The following MKLN1 variants were observed in gnomAD, a reference collection of about 807,000 sequenced individuals.
MKLN1 encodes the protein muskelin.
Under a neutral mutation model 99.0 loss-of-function variants are expected in MKLN1, and 18 were observed. That is an observed-to-expected ratio of 0.18 (90% CI 0.13 to 0.27). The LOEUF (loss-of-function observed/expected upper bound fraction) is 0.27, where lower values mean the gene tolerates loss of function less well. MKLN1 is among the 10% of genes least tolerant of loss of function. MKLN1 has a pLI of 1.00. For missense variants in MKLN1, 621 were observed against 875.9 expected (o/e 0.71, Z 3.67); for synonymous variants, 288 against 293.2 (o/e 0.98, Z 0.18).
intron 2 of MKLN1, among the ~76,000 whole-genome samples, chr7:131,386,413 C>T (rs992040205): frequency 2.0e-5 from 3 of 152,090 alleles, no homozygotes; most frequent in South Asian, 2.1e-4. Flanking sequence ...TATTCTTAAC[C>T]GTCTTTATCA....
intron 2 of MKLN1, among the ~76,000 whole-genome samples, chr7:131,178,722 G>T (rs1241768519): frequency 6.6e-6 from 1 of 151,952 alleles, no homozygotes; most frequent in Non-Finnish European, 1.5e-5. Context: ...GCTTTCTCAG[G>T]TTAAACACTC....
intron 3 of MKLN1, among the ~76,000 whole-genome samples, chr7:131,272,053 G>A (rs1186190801): frequency 1.3e-5 from 2 of 152,166 alleles, no homozygotes; most frequent in African/African-American, 4.8e-5. Context: ...CAGAAGTGAT[G>A]TTGGTCATTG....
chr7:131,247,254 CCATGGCTGGAGTG>C (rs1797505780), intron 3 of MKLN1, among the ~76,000 whole-genome samples: 1 of 100,624 alleles, frequency 9.9e-6, no homozygotes, highest in African/African-American at 3.6e-5. Context: ...TTTTTTGTCA[CCATGGCTGGAGTG>C]CAATGCCGCA....
At chr7:131,410,834 AG>A (rs1352771821) in intron 6 of MKLN1, among the ~76,000 whole-genome samples, 1 of 152,176 alleles carries the variant, frequency 6.6e-6, no homozygotes, top group African/African-American at 2.4e-5. Context: ...AAGATATATA[AG>A]ATCTTTTTTC....
chr7:131,342,372 G>T (rs1407402418), intron 1 of MKLN1, among the ~76,000 whole-genome samples: 1 of 152,150 alleles, frequency 6.6e-6, no homozygotes, highest in Non-Finnish European at 1.5e-5. Flanking sequence ...CATATTTGAA[G>T]ATACATACCT....
At chr7:131,418,726 T>C (rs1285112870) in intron 8 of MKLN1, among the ~76,000 whole-genome samples, 2 of 152,302 alleles carry the variant, frequency 1.3e-5, no homozygotes, top group East Asian at 3.9e-4. Flanking sequence ...TAAAATTGAT[T>C]TGGGAGTTGA....
At chr7:131,430,142 A>C (rs1323511594) in intron 9 of MKLN1, among the ~76,000 whole-genome samples, 1 of 152,206 alleles carries the variant, frequency 6.6e-6, no homozygotes, top group Non-Finnish European at 1.5e-5. Context: ...AAACAGTAGG[A>C]GCCTCAAATG....
chr7:131,447,731 T>C (rs1266928764), intron 12 of MKLN1, among the ~76,000 whole-genome samples: 1 of 152,218 alleles, frequency 6.6e-6, no homozygotes, highest in Non-Finnish European at 1.5e-5. Flanking sequence ...ATAATCTAGC[T>C]AGTAGGTAAT....
chr7:131,423,980 T>G (rs1795278130), intron 8 of MKLN1, among the ~76,000 whole-genome samples: 1 of 152,202 alleles, frequency 6.6e-6, no homozygotes, highest in East Asian at 1.9e-4. Context: ...AGGCAGTGAA[T>G]TCAGTTGATG....
At chr7:131,233,373 A>AAAAT (rs71966796) in intron 3 of MKLN1, among the ~76,000 whole-genome samples, 41,796 of 142,218 alleles carry the variant, frequency 0.29, 7,108 homozygotes, top group East Asian at 0.51. Flanking sequence ...CTGTCTCCAA[A>AAAAT]AAATAAATAA....
At chr7:131,187,316 CATTT>C (rs1796466517) in intron 2 of MKLN1, among the ~76,000 whole-genome samples, 1 of 105,784 alleles carries the variant, frequency 9.5e-6, no homozygotes, top group South Asian at 4.0e-4. Context: ...AAATTCACTT[CATTT>C]GTCTTTTTTT....
At chr7:131,253,931 G>C (rs1206046091) in intron 3 of MKLN1, among the ~76,000 whole-genome samples, 1 of 152,164 alleles carries the variant, frequency 6.6e-6, no homozygotes, top group African/African-American at 2.4e-5. Flanking sequence ...GCCATCCTGA[G>C]GTCAGAACAA....
intron 2 of MKLN1, among the ~76,000 whole-genome samples, chr7:131,172,844 G>A (rs1393298664): frequency 3.3e-5 from 5 of 152,182 alleles, no homozygotes; most frequent in African/African-American, 7.2e-5. Flanking sequence ...TTGATCCATA[G>A]TATTAATTCC....
chr7:131,366,309 A>G (rs1447732154), intron 1 of MKLN1, among the ~76,000 whole-genome samples: 1 of 152,174 alleles, frequency 6.6e-6, no homozygotes, highest in East Asian at 1.9e-4. Flanking sequence ...CTACCAAAGG[A>G]AAAACATCCT....
chr7:131,448,253 G>A (rs568818149), intron 12 of MKLN1, among the ~76,000 whole-genome samples: 212 of 152,192 alleles, frequency 1.4e-3, no homozygotes, highest in Middle Eastern at 3.4e-3. Context: ...GTGGCAATGC[G>A]TGATAGTGAC....
At chr7:131,138,573 A>G (rs1795685732) in intron 1 of MKLN1, among the ~76,000 whole-genome samples, 1 of 152,226 alleles carries the variant, frequency 6.6e-6, no homozygotes, top group African/African-American at 2.4e-5. Context: ...TTTGAAAGAC[A>G]AGCATTACAC....
Position 131,478,616 on chromosome 7 carries a change from T to TTTG in MKLN1, c.2032-7_2032-6insTTG, listed in dbSNP as rs1554374143. On this transcript the variant is annotated splice_polypyrimidine_tract_variant and splice_region_variant and intron_variant, in intron 16 of 17. Coordinates refer to ENST00000352689, the MANE Select transcript of MKLN1 (RefSeq NM_013255.5). ...GCTTCTTTTTTTTTTTTTTTTTTTT[T>TTTG]AAACAGTTTCAGCTCCTGGCATCAG... 1 of 1,410,776 alleles carries TTTG rather than the reference T, an allele frequency of 7.1e-7. No homozygotes were observed. The allele number at this position is 1,410,776 out of a possible 1,614,324, so 87.4% of individuals were successfully genotyped here.
intron 2 of MKLN1, among the ~76,000 whole-genome samples, 167 bp from the exon 3 acceptor site, chr7:131,386,953 C>T (rs1794046923): frequency 6.6e-6 from 1 of 151,834 alleles, no homozygotes; most frequent in Non-Finnish European, 1.5e-5. Flanking sequence ...GTGGGATAAC[C>T]TTTATAAGGC....
At chr7:131,423,048 A>G (rs979666642) in intron 8 of MKLN1, among the ~76,000 whole-genome samples, 1 of 152,196 alleles carries the variant, frequency 6.6e-6, no homozygotes, top group Non-Finnish European at 1.5e-5. Context: ...ATTTTGTTTC[A>G]GTGTGGAAGT....
Sources: gnomAD v4.1 joint callset for allele counts (sites outside exome capture counted in the v4.1 genomes callset) on GRCh38, gnomAD v4.1.1 for gene constraint, MANE v1.5 for transcripts, NCBI Gene and HGNC (gene_info 2026-07-23, HGNC 2026-07-21) for gene names.